Variants in TEX11 observed in about 807,000 individuals in gnomAD.
TEX11 encodes testis-expressed protein 11.
A neutral mutation model predicts 84.4 loss-of-function variants in TEX11; 7 were observed. The ratio of observed to expected loss-of-function variants is 0.08; its 90% confidence interval spans 0.05 to 0.16. TEX11 has a LOEUF of 0.16. Among genes scored for constraint, TEX11 ranks in the 10% least tolerant of loss-of-function variants. TEX11 has a pLI of 1.00. For synonymous variants in TEX11, 264 were observed against 222.8 expected (o/e 1.18, Z -1.64); for missense variants, 551 against 660.5 (o/e 0.83, Z 1.82).
chrX:70,842,059 G>T (rs1477597191), intron 7 of TEX11, among the ~76,000 whole-genome samples: 2 of 110,959 alleles, frequency 1.8e-5, no homozygotes, highest in Admixed American at 1.9e-4. Flanking sequence ...GGTACAAGGA[G>T]GAGCTGGTAC....
chrX:70,881,041 A>G (rs1338315764), intron 2 of TEX11, among the ~76,000 whole-genome samples: 1 of 107,585 alleles, frequency 9.3e-6, no homozygotes, highest in African/African-American at 3.4e-5. Flanking sequence ...CTAAAACTAA[A>G]ACTAGACCGG....
At chrX:70,700,082 T>G (rs923364746) in intron 13 of TEX11, among the ~76,000 whole-genome samples, 2 of 101,503 alleles carry the variant, frequency 2.0e-5, no homozygotes, top group East Asian at 6.5e-4. Context: ...TGCACTTCTC[T>G]TTATTGTACT....
chrX:70,557,469 C>CAA (rs66649112), intron 25 of TEX11, among the ~76,000 whole-genome samples: 1 of 89,135 alleles, frequency 1.1e-5, no homozygotes, highest in Non-Finnish European at 2.2e-5. Flanking sequence ...GACTCTGTCT[C>CAA]AAAAAAAAAA....
intron 4 of TEX11, among the ~76,000 whole-genome samples, chrX:70,866,294 A>T (rs1442793693): frequency 9.0e-6 from 1 of 110,801 alleles, no homozygotes; most frequent in Non-Finnish European, 1.9e-5. Context: ...TCTAGAAGAA[A>T]TGGATAAATT....
intron 25 of TEX11, among the ~76,000 whole-genome samples, chrX:70,556,245 G>C (rs1425101180): frequency 3.7e-5 from 4 of 109,457 alleles, no homozygotes; most frequent in African/African-American, 1.3e-4. Flanking sequence ...TCTAATAGGA[G>C]CATTTAATGC....
At chrX:70,855,694 T>C (rs1427728308) in intron 5 of TEX11, among the ~76,000 whole-genome samples, 1 of 111,620 alleles carries the variant, frequency 9.0e-6, no homozygotes, top group Non-Finnish European at 1.9e-5. Flanking sequence ...TAAGAAGTGA[T>C]TGCATTAAAA....
intron 3 of TEX11, among the ~76,000 whole-genome samples, chrX:70,877,523 T>G (rs2091661970): frequency 9.0e-6 from 1 of 111,398 alleles, no homozygotes. Context: ...CAATTCCAAT[T>G]CTGGGTATAT....
Position 70,544,545 on chromosome X carries a change from G to C in TEX11, c.2520+7581C>G, listed in dbSNP as rs780163384. On this transcript the variant is annotated intron_variant, in intron 28 of 29. Transcript: ENST00000374333. Reference sequence around the variant, plus strand: ...CTCAAAAAATATATAAATATAAATTGACCTTGTCTTACTGCAACTTTTTTC... The same window carrying C: ...CTCAAAAAATATATAAATATAAATTCACCTTGTCTTACTGCAACTTTTTTC... Among the ~76,000 whole-genome samples, 169 of 110,312 alleles carry C rather than the reference G, an allele frequency of 1.5e-3. 1 individual carries two copies. Among genetic ancestry groups the C allele is most frequent in the African/African-American group, 5.5e-3 (166 of 30,343 alleles).
chrX:70,596,465 A>G (rs1305418053), intron 24 of TEX11, among the ~76,000 whole-genome samples: 1 of 111,958 alleles, frequency 8.9e-6, no homozygotes, highest in Admixed American at 9.6e-5. Context: ...AATAAAATTT[A>G]AAATCAGCAA....
chrX:70,804,686 C>T (rs2091207795), intron 9 of TEX11, among the ~76,000 whole-genome samples: 1 of 111,579 alleles, frequency 9.0e-6, no homozygotes, highest in African/African-American at 3.3e-5. Flanking sequence ...TATATTCCTA[C>T]AAATATAGCC....
chrX:70,810,730 C>T (rs1052343475), intron 8 of TEX11, among the ~76,000 whole-genome samples: 3 of 109,558 alleles, frequency 2.7e-5, no homozygotes, highest in Non-Finnish European at 5.7e-5. Flanking sequence ...CACCATGGCA[C>T]GTGTACATCT....
chrX:70,881,005 C>CAA (rs11284342), intron 2 of TEX11, among the ~76,000 whole-genome samples: 36 of 46,185 alleles, frequency 7.8e-4, no homozygotes, highest in African/African-American at 2.3e-3. Flanking sequence ...AGACATCATC[C>CAA]AAAAAAAAAA....
chrX:70,649,265 C>T (rs1461367231), intron 17 of TEX11, among the ~76,000 whole-genome samples: 2 of 111,677 alleles, frequency 1.8e-5, no homozygotes, highest in Non-Finnish European at 3.8e-5. Flanking sequence ...ATAGTATTTC[C>T]GGTTCTAGAT....
chrX:70,667,092 A>G (rs2089982609), intron 16 of TEX11, among the ~76,000 whole-genome samples: 1 of 112,475 alleles, frequency 8.9e-6, no homozygotes, highest in Admixed American at 9.4e-5. Flanking sequence ...TGCCTGAAAT[A>G]AATCAAAAGA....
chrX:70,596,009 C>A (rs1259799341), intron 24 of TEX11, among the ~76,000 whole-genome samples: 3 of 109,288 alleles, frequency 2.7e-5, no homozygotes, highest in African/African-American at 1.0e-4. Context: ...CAAAAATAGA[C>A]TCTAAAACAA....
intron 24 of TEX11, among the ~76,000 whole-genome samples, chrX:70,599,979 T>A (rs1335208716): frequency 1.8e-5 from 2 of 110,580 alleles, no homozygotes; most frequent in Non-Finnish European, 3.8e-5. Flanking sequence ...TCAATAAACA[T>A]ACGTGTGCAT....
chrX:70,639,463 G>T (rs1436667904), intron 17 of TEX11, among the ~76,000 whole-genome samples: 1 of 112,280 alleles, frequency 8.9e-6, no homozygotes, highest in Non-Finnish European at 1.9e-5. Flanking sequence ...ACCTCTGGGG[G>T]CAGGGCACAG....
chrX:70,802,642 A>G (rs901791703), intron 9 of TEX11, among the ~76,000 whole-genome samples: 1 of 111,456 alleles, frequency 9.0e-6, no homozygotes, highest in Non-Finnish European at 1.9e-5. Flanking sequence ...GTAGGTCAGC[A>G]GTGCCAAGGA....
intron 2 of TEX11, among the ~76,000 whole-genome samples, chrX:70,905,589 G>C (rs1010542868): frequency 6.3e-5 from 7 of 111,325 alleles, no homozygotes; most frequent in Admixed American, 3.9e-4. Flanking sequence ...TAAACTCTCA[G>C]AAACACAGTG....
Sources: allele counts gnomAD v4.1 joint callset (sites outside exome capture counted in the v4.1 genomes callset), GRCh38; gene constraint gnomAD v4.1.1; transcripts MANE v1.5; gene names NCBI Gene and HGNC (gene_info 2026-07-23, HGNC 2026-07-21).